Variants in ADSS1 observed in about 807,000 individuals in gnomAD.
ADSS1 encodes adenylosuccinate synthase 1.
In ADSS1, 57 loss-of-function variants were observed where a neutral mutation model predicts 59.1. The ratio of observed to expected loss-of-function variants is 0.97; its 90% CI spans 0.78 to 1.20. ADSS1 has a LOEUF of 1.20. ADSS1 is among the 50% of genes most tolerant of loss of function. The pLI is 0.00. For synonymous variants in ADSS1, 247 were observed against 249.4 expected (o/e 0.99, Z 0.09); for missense variants, 603 against 610.3 (o/e 0.99, Z 0.13).
chr14:104,730,047 T>C, intron 1 of ADSS1: 2 of 1,574,682 alleles, frequency 1.3e-6, no homozygotes, highest in Non-Finnish European at 1.7e-6. Flanking sequence ...GGCCACTCCG[T>C]GCCAGCTCAG....
rs780029026 is a variant in ADSS1 at position 104,724,426 on chromosome 14, G to C, written c.156G>C (p.Leu52=). Reference sequence around the variant, plus strand: ...AGGGCAAAGGCAAGGTGGTGGACCTGCTGGCCACGGACGCCGACATCATCA... The same window carrying C: ...AGGGCAAAGGCAAGGTGGTGGACCTCCTGGCCACGGACGCCGACATCATCA... The part of the protein sequence containing the change: ...GDEGKGKVVD[L]LATDADIISR... The change falls in exon 1 of 13, where the codon CTG becomes CTC. Residue 52 remains leucine, a synonymous_variant. Coordinates refer to ENST00000330877, the MANE Select transcript of ADSS1 (RefSeq NM_152328.5). 1.6e-6 allele frequency: 2 copies of C among 1,262,154 alleles called. No homozygotes were observed. The highest frequency in any genetic ancestry group is 3.0e-5 in the East Asian group (1 of 33,464). The allele number at this position is 1,262,154 out of a possible 1,614,324, so 78.2% of individuals were successfully genotyped here. A position where few individuals can be genotyped will look rare whatever the true frequency, so the allele number is the denominator to read the frequency against.
intron 10 of ADSS1, chr14:104,743,636 A>C (rs1317898363): frequency 6.4e-5 from 11 of 173,094 alleles, no homozygotes; most frequent in Non-Finnish European, 5.1e-5. Flanking sequence ...AGGGATCTGA[A>C]AGAGGCTTTG....
chr14:104,732,369 T>TGAC, intron 1 of ADSS1, among the ~76,000 whole-genome samples: 1 of 152,344 alleles, frequency 6.6e-6, no homozygotes, highest in South Asian at 2.1e-4. Flanking sequence ...CTGTGCAGCC[T>TGAC]GACGTCCTGA....
Position 104,739,427 on chromosome 14 carries a change from T to C in ADSS1, c.409+49T>C, listed in dbSNP as rs1260253995. On this transcript the variant is annotated intron_variant, in intron 4 of 12. Coordinates refer to ENST00000330877, the MANE Select transcript of ADSS1 (RefSeq NM_152328.5). ...GGAACAGCCCCTCCTGCCCCCACCA[T>C]TGCCAGCCGGCCCTGCTCCTACATG... 4 of 1,570,246 alleles carry C rather than the reference T, an allele frequency of 2.5e-6. No individual in the cohort carries two copies. In the South Asian group the frequency reaches 4.7e-5, roughly 18 times the overall value.
chr14:104,741,725 C>T, intron 8 of ADSS1, 123 bp from the exon 9 acceptor site: 3 of 1,319,942 alleles, frequency 2.3e-6, no homozygotes, highest in East Asian at 2.4e-5. Flanking sequence ...GCTGGCGACC[C>T]CACGGAGGGG....
Position 104,744,843 on chromosome 14 carries a change from G to T in ADSS1, c.1105G>T (p.Val369Leu), listed in dbSNP as rs759021404. The change falls in exon 11 of 13, where the codon GTA becomes TTA. Residue 369 changes from valine to leucine, a missense_variant. By Grantham distance (32) the Val-to-Leu change is conservative. Transcript: ENST00000330877. ...LALTKLDILDVLGEVKVGVSY... is the reference protein window; with the variant it reads ...LALTKLDILDLLGEVKVGVSY... ...CCTGACGAAGCTGGACATCCTGGACGTACTGGGTGAGGTTAAAGTCGGTGT... is the reference window on the plus strand; with the variant it reads ...CCTGACGAAGCTGGACATCCTGGACTTACTGGGTGAGGTTAAAGTCGGTGT... The T allele has an allele frequency of 6.2e-7, 1 of 1,614,206 alleles. No individual in the cohort carries two copies. Among genetic ancestry groups the T allele is most frequent in the South Asian group, 1.1e-5 (1 of 91,082 alleles).
At chr14:104,739,693 C>T (rs777289653) in intron 4 of ADSS1, 57 bp from the exon 5 acceptor site, 1 of 1,583,430 alleles carries the variant, frequency 6.3e-7, no homozygotes, top group African/African-American at 1.3e-5. Flanking sequence ...CATGTATACA[C>T]ATCTGTCCTC....
At chr14:104,733,014 C>T (rs539371229) in intron 1 of ADSS1, among the ~76,000 whole-genome samples, 66 of 152,272 alleles carry the variant, frequency 4.3e-4, no homozygotes, top group African/African-American at 1.3e-3. Flanking sequence ...GCTGACTCAG[C>T]GTCTGCTGAG....
rs1566794290 is a variant in ADSS1 at position 104,729,912 on chromosome 14, G to A, written c.193-5108G>A. The A allele has an allele frequency of 2.6e-6, 4 of 1,537,100 alleles. No individual in the cohort carries two copies. The East Asian group carries it at 9.9e-5, about 38-fold the overall frequency. The stretch of plus-strand genomic sequence containing the variant: ...GTCGGCATGGTGGGGAGGAGCTGTG[G>A]GGTGGCAACCCAGAGGCAAGGAGGT... On this transcript the variant is annotated intron_variant, in intron 1 of 12. Transcript: ENST00000330877.
intron 9 of ADSS1, 146 bp from the exon 10 acceptor site, chr14:104,742,921 G>A (rs117613328): frequency 0.038 from 45,810 of 1,217,840 alleles, 1,097 homozygotes; most frequent in Middle Eastern, 0.089. Context: ...GGGGATGTCC[G>A]GGAGCTGGAT....
chr14:104,739,646 C>T, intron 4 of ADSS1, 104 bp from the exon 5 acceptor site: 1 of 1,314,424 alleles, frequency 7.6e-7, no homozygotes, highest in South Asian at 1.3e-5. Context: ...TCAACCACCC[C>T]CTTCCCAGGA....
In ADSS1 at chr14:104,747,029, G is replaced by A. The variant is rs771000941; in HGVS notation, c.*26G>A. 1.9e-6 allele frequency: 3 copies of A among 1,603,208 alleles called. No homozygotes were observed. The highest frequency in any genetic ancestry group is 1.3e-5 in the African/African-American group (1 of 74,864). ...TCACAGACTGAGCTGATCCCAACAG[G>A]CCCTGGCAGCGTCTGGACTTGTGTA... is the stretch of plus-strand genomic sequence containing the variant. On this transcript the variant is annotated 3_prime_UTR_variant, in exon 13 of 13. Transcript: ENST00000330877.
intron 10 of ADSS1, 174 bp downstream of exon 10, chr14:104,743,365 G>A (rs1302786959): frequency 3.2e-6 from 3 of 936,400 alleles, no homozygotes; most frequent in East Asian, 5.6e-5. Flanking sequence ...ATGGAGGCCT[G>A]TGCAGGGTGT....
Position 104,747,011 on chromosome 14 carries a change from C to A in ADSS1, c.*8C>A, listed in dbSNP as rs1483515030. 1 of 1,612,936 alleles carries A rather than the reference C, an allele frequency of 6.2e-7. No individual in the cohort carries two copies. Among genetic ancestry groups the A allele is most frequent in the South Asian group, 1.1e-5 (1 of 91,000 alleles). ...ATGATCCAGCTGTTTTAGTCACAGA[C>A]TGAGCTGATCCCAACAGGCCCTGGC... is the stretch of plus-strand genomic sequence containing the variant. On this transcript the variant is annotated 3_prime_UTR_variant, in exon 13 of 13. Transcript: ENST00000330877.
rs746314019 is a variant in ADSS1 at position 104,746,372 on chromosome 14, C to T, written c.1308C>T (p.His436=). Residue 436 remains histidine, a synonymous_variant, in exon 12 of 13, where the codon CAC becomes CAT. Transcript: ENST00000330877. Reference sequence around the variant, plus strand: ...ACTACATCCGCTTTGTGGAGAATCACGTGGGAGTCGCAGGTGGGTGCCCTG... The same window carrying T: ...ACTACATCCGCTTTGTGGAGAATCATGTGGGAGTCGCAGGTGGGTGCCCTG... ...AQNYIRFVEN[H]VGVAVKWVGV... is the part of the protein sequence containing the mutation. 19 of 1,611,800 alleles carry T rather than the reference C, an allele frequency of 1.2e-5. No individual in the cohort carries two copies. The highest frequency in any genetic ancestry group is 1.4e-5 in the Non-Finnish European group (16 of 1,178,752).
chr14:104,740,690 T>TTCC lies in ADSS1; in HGVS notation c.567_568insCCT (p.Phe189_Asp190insPro). On this transcript the variant is annotated inframe_insertion, in exon 6 of 13. Coordinates refer to ENST00000330877, the MANE Select transcript of ADSS1 (RefSeq NM_152328.5). The surrounding 1 kb of genome is among the most constrained non-coding windows in gnomAD (Gnocchi z 4.8). Reference sequence around the variant, plus strand: ...CGCATCTGCGACCTCCTGTCAGATTTTGATGAGTTTTCCTCCAGGTACCTG... The same window carrying TTCC: ...CGCATCTGCGACCTCCTGTCAGATTTTCCTGATGAGTTTTCCTCCAGGTACCTG... 1 of 1,613,762 alleles carries TTCC rather than the reference T, an allele frequency of 6.2e-7. No homozygotes were observed. The highest frequency in any genetic ancestry group is 1.3e-5 in the African/African-American group (1 of 74,922).
At chr14:104,737,161 A>G (rs951521061) in intron 2 of ADSS1, 14 of 151,934 alleles carry the variant, frequency 9.2e-5, no homozygotes, top group African/African-American at 3.1e-4. Context: ...AGTCTGGACA[A>G]ACGTATGCTG....
intron 7 of ADSS1, 53 bp from the exon 8 acceptor site, chr14:104,741,064 C>T: frequency 6.3e-7 from 1 of 1,583,042 alleles, no homozygotes; most frequent in Non-Finnish European, 8.6e-7. Context: ...GGGACGCAGG[C>T]CTCCCCTGCC....
At position 104,740,504 on chromosome 14, in the gene ADSS1, C is replaced by T; in HGVS notation, c.477-97C>T. 9.3e-7 allele frequency: 1 copy of T among 1,070,218 alleles called. No homozygotes were observed. 66.3% of individuals were successfully genotyped at this position (1,070,218 alleles called of 1,614,324 possible). A position where few individuals can be genotyped will look rare whatever the true frequency, so the allele number is the denominator to read the frequency against. ...CAGACACAGGCAGCAATGGTGGGCACTGGAGTCATGAGCCGGCGGGGGTCA... is the reference window on the plus strand; with the variant it reads ...CAGACACAGGCAGCAATGGTGGGCATTGGAGTCATGAGCCGGCGGGGGTCA... On this transcript the variant is annotated intron_variant, in intron 5 of 12. Coordinates refer to ENST00000330877, the MANE Select transcript of ADSS1 (RefSeq NM_152328.5). The surrounding 1 kb of genome is among the most constrained non-coding windows in gnomAD (Gnocchi z 4.8).
Sources: gnomAD v4.1 joint callset for allele counts (sites outside exome capture counted in the v4.1 genomes callset) on GRCh38, gnomAD v4.1.1 for gene constraint, Gnocchi (gnomAD v3.1) non-coding constraint, MANE v1.5 for transcripts, NCBI Gene and HGNC (gene_info 2026-07-23, HGNC 2026-07-21) for gene names.